Variants in ZBTB7C observed in about 807,000 individuals in gnomAD.
ZBTB7C encodes zinc finger and BTB domain containing 7C.
Under a neutral mutation model 25.7 loss-of-function variants are expected in ZBTB7C, and 8 were observed. The ratio of observed to expected loss-of-function variants is 0.31; its 90% CI spans 0.18 to 0.56. The LOEUF (loss-of-function observed/expected upper bound fraction) is 0.56, where lower values mean the gene tolerates loss of function less well. Among genes scored for constraint, ZBTB7C ranks in the 20% least tolerant of loss-of-function variants. ZBTB7C has a pLI of 0.91. For synonymous variants in ZBTB7C, 394 were observed against 369.0 expected (o/e 1.07, Z -0.78); for missense variants, 824 against 855.2 (o/e 0.96, Z 0.46).
intron 3 of ZBTB7C, among the ~76,000 whole-genome samples, chr18:48,163,506 G>C (rs2041141433): frequency 6.6e-6 from 1 of 152,196 alleles, no homozygotes; most frequent in Non-Finnish European, 1.5e-5. Context: ...ATGGAGTGGG[G>C]CTTAACAGTG....
intron 2 of ZBTB7C, among the ~76,000 whole-genome samples, chr18:48,323,042 C>T (rs1195078010): frequency 6.6e-6 from 1 of 152,040 alleles, no homozygotes; most frequent in Non-Finnish European, 1.5e-5. Context: ...GTTGGGGACT[C>T]AGGGGAAAGG....
intron 3 of ZBTB7C, among the ~76,000 whole-genome samples, chr18:48,075,224 C>T (rs1449962712): frequency 1.3e-5 from 2 of 152,214 alleles, no homozygotes; most frequent in Non-Finnish European, 2.9e-5. Flanking sequence ...CACTGCCAAA[C>T]AGCTCCTCAA....
At chr18:48,322,125 C>T (rs1163762587) in intron 2 of ZBTB7C, among the ~76,000 whole-genome samples, 4 of 152,200 alleles carry the variant, frequency 2.6e-5, no homozygotes, top group African/African-American at 9.7e-5. Flanking sequence ...CTAGCTTCCT[C>T]CTGCCCCTCC....
At chr18:48,123,658 AACC>A (rs56805969) in intron 3 of ZBTB7C, among the ~76,000 whole-genome samples, 9,995 of 152,242 alleles carry the variant, frequency 0.066, 1,055 homozygotes, top group African/African-American at 0.23. Flanking sequence ...CTGCCCAGAG[AACC>A]CAGCCTTTCA....
intron 1 of ZBTB7C, among the ~76,000 whole-genome samples, chr18:48,375,129 T>C (rs2047488229): frequency 6.6e-6 from 1 of 152,218 alleles, no homozygotes; most frequent in African/African-American, 2.4e-5. Context: ...TAATTTCCTC[T>C]TCTGTTTTGC....
At chr18:48,164,417 C>A (rs904193624) in intron 3 of ZBTB7C, among the ~76,000 whole-genome samples, 1 of 151,410 alleles carries the variant, frequency 6.6e-6, no homozygotes, top group East Asian at 1.9e-4. Context: ...CATACACACA[C>A]TCTCATGTTA....
chr18:48,391,968 G>A (rs1273767667), intron 1 of ZBTB7C, among the ~76,000 whole-genome samples: 5 of 152,224 alleles, frequency 3.3e-5, no homozygotes, highest in Admixed American at 1.3e-4. Flanking sequence ...AACTGTCATC[G>A]TTCACTGTGA....
intron 1 of ZBTB7C, among the ~76,000 whole-genome samples, chr18:48,406,436 A>C (rs573577621): frequency 1.7e-4 from 26 of 152,292 alleles, no homozygotes; most frequent in Non-Finnish European, 3.8e-4. Context: ...AGTTATAGGA[A>C]TAATACTCTC....
chr18:48,205,711 A>G (rs2145221849), intron 2 of ZBTB7C, among the ~76,000 whole-genome samples: 1 of 152,152 alleles, frequency 6.6e-6, no homozygotes, highest in East Asian at 1.9e-4. Flanking sequence ...ATAAAACATC[A>G]AGTATTGGCG....
At chr18:48,050,856 T>A (rs1221723159) in intron 3 of ZBTB7C, among the ~76,000 whole-genome samples, 1 of 152,204 alleles carries the variant, frequency 6.6e-6, no homozygotes, top group East Asian at 1.9e-4. Flanking sequence ...CACATGCCTG[T>A]TGAGCTTTAC....
intron 1 of ZBTB7C, among the ~76,000 whole-genome samples, chr18:48,404,767 A>G (rs966267795): frequency 6.6e-6 from 1 of 152,188 alleles, no homozygotes; most frequent in Non-Finnish European, 1.5e-5. Flanking sequence ...ATGCATATCC[A>G]ACTGCTGTCC....
At chr18:48,370,944 C>T (rs2047373826) in intron 1 of ZBTB7C, among the ~76,000 whole-genome samples, 2 of 152,102 alleles carry the variant, frequency 1.3e-5, no homozygotes, top group African/African-American at 2.4e-5. Context: ...TAAAAGAAAT[C>T]CAGAACCCAC....
chr18:48,222,463 T>C (rs1250838408), intron 2 of ZBTB7C, among the ~76,000 whole-genome samples: 2 of 152,076 alleles, frequency 1.3e-5, no homozygotes, highest in African/African-American at 4.8e-5. Flanking sequence ...ATTTATACAA[T>C]AGTCCTCCAC....
intron 3 of ZBTB7C, among the ~76,000 whole-genome samples, chr18:48,168,336 G>C (rs921078681): frequency 6.6e-6 from 1 of 152,212 alleles, no homozygotes; most frequent in Non-Finnish European, 1.5e-5. Flanking sequence ...ACAAATATGT[G>C]GTTGATGTGC....
chr18:48,189,656 G>T (rs992009416), intron 2 of ZBTB7C, among the ~76,000 whole-genome samples: 4 of 152,204 alleles, frequency 2.6e-5, no homozygotes, highest in East Asian at 3.8e-4. Flanking sequence ...GCCTTGGATA[G>T]ATACGGCATA....
chr18:48,094,702 C>T (rs2038549892), intron 3 of ZBTB7C, among the ~76,000 whole-genome samples: 1 of 152,052 alleles, frequency 6.6e-6, no homozygotes, highest in African/African-American at 2.4e-5. Flanking sequence ...GTTCTGGTTA[C>T]TTGGGGTACA....
chr18:48,074,957 C>T (rs1347089228), intron 3 of ZBTB7C, among the ~76,000 whole-genome samples: 1 of 152,162 alleles, frequency 6.6e-6, no homozygotes, highest in Non-Finnish European at 1.5e-5. Flanking sequence ...TTTTAATTCT[C>T]AAATTTCCCT....
rs1391328724 is a variant in ZBTB7C at position 48,026,835 on chromosome 18, G to C, written c.*2425C>G. 6.6e-6 allele frequency: 1 copy of C among 150,770 alleles called. No individual in the cohort carries two copies. The highest frequency in any genetic ancestry group is 2.4e-5 in the African/African-American group (1 of 40,854). 9.3% of individuals were successfully genotyped at this position (150,770 alleles called of 1,614,324 possible). ...TAAGACTGGCTTGTTGCTGTCCTGT[G>C]AACTTTCAGAAGTCACATCTCACAG... On this transcript the variant is annotated 3_prime_UTR_variant, in exon 5 of 5. Coordinates refer to ENST00000590800, the MANE Select transcript of ZBTB7C (RefSeq NM_001318841.2).
intron 1 of ZBTB7C, among the ~76,000 whole-genome samples, chr18:48,381,902 T>C (rs1266903377): frequency 2.0e-5 from 3 of 152,206 alleles, no homozygotes; most frequent in East Asian, 1.9e-4. Flanking sequence ...AAGCGGCATA[T>C]AGCAGTCCCA....
Sources: gnomAD v4.1 joint callset for allele counts (sites outside exome capture counted in the v4.1 genomes callset) on GRCh38, gnomAD v4.1.1 for gene constraint, MANE v1.5 for transcripts, NCBI Gene and HGNC (gene_info 2026-07-23, HGNC 2026-07-21) for gene names.